The following PTGER3 variants were observed in gnomAD, a reference collection of about 807,000 sequenced individuals.
PTGER3 encodes prostaglandin E receptor 3.
Under a neutral mutation model 34.7 loss-of-function variants are expected in PTGER3, and 22 were observed. The observed-to-expected ratio is 0.63, with a 90% CI of 0.45 to 0.91. PTGER3 has a LOEUF of 0.91. Ranked by LOEUF, PTGER3 falls within the 40% of genes least tolerant of loss-of-function variation. The probability of loss-of-function intolerance (pLI) is 0.00; values close to 1 mark genes in which losing one functional copy is unlikely to be tolerated. For missense variants in PTGER3, 468 were observed against 519.4 expected (o/e 0.90, Z 0.96); for synonymous variants, 241 against 230.1 (o/e 1.05, Z -0.43).
chr1:70,917,673 A>C (rs1014916821), intron 4 of PTGER3, among the ~76,000 whole-genome samples: 3 of 151,932 alleles, frequency 2.0e-5, no homozygotes, highest in Non-Finnish European at 4.4e-5. Flanking sequence ...CATTTCCACC[A>C]ACCACGTATA....
chr1:70,994,736 G>A (rs978427979), intron 2 of PTGER3, among the ~76,000 whole-genome samples: 6 of 152,152 alleles, frequency 3.9e-5, no homozygotes, highest in Non-Finnish European at 7.3e-5. Flanking sequence ...GATTACAGGC[G>A]TGAGCCATTG....
intron 2 of PTGER3, chr1:70,953,806 A>G (rs921917566): frequency 1.0e-5 from 13 of 1,261,586 alleles, no homozygotes; most frequent in Non-Finnish European, 1.4e-5. Flanking sequence ...AAGAGTAATA[A>G]CAGTATAAGC....
intron 4 of PTGER3, among the ~76,000 whole-genome samples, chr1:70,932,593 G>A (rs1648813787): frequency 6.6e-6 from 1 of 152,100 alleles, no homozygotes; most frequent in African/African-American, 2.4e-5. Context: ...AGATGAGAAA[G>A]CAAAAACCCC....
chr1:70,952,463 T>A (rs546836593), exon 4 of PTGER3: 673 of 985,950 alleles, frequency 6.8e-4, no homozygotes, highest in Non-Finnish European at 7.7e-4. Flanking sequence ...TTTAATAACC[T>A]GAACAAATAA....
intron 4 of PTGER3, among the ~76,000 whole-genome samples, chr1:70,866,564 A>G (rs1178019662): frequency 2.0e-5 from 3 of 152,180 alleles, no homozygotes; most frequent in Non-Finnish European, 4.4e-5. Flanking sequence ...CATCAGGATG[A>G]CCAGACTATG....
At chr1:70,983,810 G>T (rs538863608) in intron 2 of PTGER3, among the ~76,000 whole-genome samples, 1 of 152,180 alleles carries the variant, frequency 6.6e-6, no homozygotes, top group East Asian at 1.9e-4. Context: ...AACTATCTTT[G>T]TCACTTCCTG....
At chr1:70,984,967 C>T (rs1347151652) in intron 2 of PTGER3, among the ~76,000 whole-genome samples, 1 of 152,112 alleles carries the variant, frequency 6.6e-6, no homozygotes, top group Admixed American at 6.6e-5. Flanking sequence ...TGTCTTCCAT[C>T]CCCTCCCCAC....
intron 1 of PTGER3, among the ~76,000 whole-genome samples, chr1:71,039,144 T>C (rs565013039): frequency 1.3e-5 from 2 of 152,242 alleles, no homozygotes; most frequent in South Asian, 4.1e-4. Context: ...GTCCTCCCCT[T>C]CTCAGGGCCA....
chr1:70,996,639 T>TTTTTATTTA lies in PTGER3; in HGVS notation c.1077+15665_1077+15666insTAAATAAAA, dbSNP rs774610328. ...CCATGCCCGGCTAATTTTTTTGTATTTTTATTTATTTATTTATTTATTTAT... is the reference window on the plus strand; with the variant it reads ...CCATGCCCGGCTAATTTTTTTGTATTTTTTATTTATTTATTTATTTATTTATTTATTTAT... On this transcript the variant is annotated intron_variant, in intron 2 of 3. Transcript: ENST00000306666. Among the ~76,000 whole-genome samples, 3 of 122,752 alleles carry TTTTTATTTA rather than the reference T, an allele frequency of 2.4e-5. No individual in the cohort carries two copies. The East Asian group carries it at 7.7e-4, about 31-fold the overall frequency. The allele number at this position is 122,752 out of a possible 152,430, so 80.5% of individuals were successfully genotyped here. A position where few individuals can be genotyped will look rare whatever the true frequency, so the allele number is the denominator to read the frequency against.
chr1:71,015,466 T>A (rs1168332387), intron 1 of PTGER3, among the ~76,000 whole-genome samples: 1 of 152,244 alleles, frequency 6.6e-6, no homozygotes, highest in African/African-American at 2.4e-5. Flanking sequence ...ACCATCAGGT[T>A]TGAGTATTTT....
At chr1:70,924,563 C>T (rs1052912353) in intron 4 of PTGER3, among the ~76,000 whole-genome samples, 1 of 152,042 alleles carries the variant, frequency 6.6e-6, no homozygotes, top group Non-Finnish European at 1.5e-5. Flanking sequence ...GCTAACAGTC[C>T]CATATTAGCT....
intron 2 of PTGER3, among the ~76,000 whole-genome samples, chr1:70,985,685 C>T (rs950669397): frequency 6.6e-6 from 1 of 152,178 alleles, no homozygotes; most frequent in Admixed American, 6.5e-5. Context: ...ATACAAAGGG[C>T]TGCCTTTGCT....
intron 4 of PTGER3, among the ~76,000 whole-genome samples, chr1:70,891,201 A>C (rs1401984558): frequency 6.6e-6 from 1 of 152,250 alleles, no homozygotes; most frequent in African/African-American, 2.4e-5. Flanking sequence ...GCCTTAGACC[A>C]TGAGCTTCCA....
chr1:70,949,019 G>C (rs1462873642), downstream of PTGER3, among the ~76,000 whole-genome samples: 1 of 152,120 alleles, frequency 6.6e-6, no homozygotes, highest in South Asian at 2.1e-4. Flanking sequence ...AATAGAGTTT[G>C]CATTTTATTC....
In PTGER3 at chr1:71,047,451, A is replaced by G. The variant is rs1159723959; in HGVS notation, c.127T>C (p.Ser43Pro). Residue 43 changes from serine to proline, a missense_variant, in exon 1 of 4, where the codon TCT becomes CCT. Around this residue, in one of 5 missense-constraint regions of PTGER3, gnomAD observed 151 missense variants for 133.5 expected, o/e 1.13. Transcript: ENST00000306666. ...ARGNLTRPPG[S>P]GEDCGSVSVA... Reference sequence around the variant, plus strand: ...GACACCGATCCGCAATCCTCGCCAGACCCTGGAGGGCGCGTGAGGTTGCCC... The same window carrying G: ...GACACCGATCCGCAATCCTCGCCAGGCCCTGGAGGGCGCGTGAGGTTGCCC... The G allele has an allele frequency of 1.2e-6, 2 of 1,610,676 alleles. No individual in the cohort carries two copies. Among genetic ancestry groups the G allele is most frequent in the Admixed American group, 1.7e-5 (1 of 59,790 alleles).
intron 4 of PTGER3, among the ~76,000 whole-genome samples, chr1:70,946,902 C>T (rs1419341829): frequency 1.3e-5 from 2 of 152,088 alleles, no homozygotes; most frequent in East Asian, 1.9e-4. Flanking sequence ...TGATTTGCCC[C>T]TGCTTGTCCT....
At position 71,047,622 on chromosome 1, in the gene PTGER3, C is replaced by T; in HGVS notation, c.-45G>A. 4 of 1,473,816 alleles carry T rather than the reference C, an allele frequency of 2.7e-6. No homozygotes were observed. Among genetic ancestry groups the T allele is most frequent in the Non-Finnish European group, 3.6e-6 (4 of 1,107,496 alleles). The allele number at this position is 1,473,816 out of a possible 1,614,324, so 91.3% of individuals were successfully genotyped here. A position where few individuals can be genotyped will look rare whatever the true frequency, so the allele number is the denominator to read the frequency against. ...GGGGATGGCGTCCAGAGAGCCGCAG[C>T]GGGAGGGGGCAGACGCGGCGCGGGC... On this transcript the variant is annotated 5_prime_UTR_variant, in exon 1 of 4. Transcript: ENST00000306666.
intron 4 of PTGER3, among the ~76,000 whole-genome samples, chr1:70,932,723 G>C (rs1445526062): frequency 2.6e-5 from 4 of 152,130 alleles, no homozygotes; most frequent in Non-Finnish European, 5.9e-5. Flanking sequence ...TGGGAATTAT[G>C]GGAGTACAAG....
intron 4 of PTGER3, among the ~76,000 whole-genome samples, chr1:70,861,084 A>G (rs1303676497): frequency 2.6e-5 from 4 of 152,140 alleles, no homozygotes; most frequent in Admixed American, 2.6e-4. Flanking sequence ...AGAAGTGACA[A>G]TTAAGTTTAC....
Sources: allele counts gnomAD v4.1 joint callset (sites outside exome capture counted in the v4.1 genomes callset), GRCh38; gene constraint gnomAD v4.1.1; regional missense constraint gnomAD v4.1.1; transcripts MANE v1.5; gene names NCBI Gene and HGNC (gene_info 2026-07-23, HGNC 2026-07-21).